The following STK3 variants were observed in gnomAD, a reference collection of about 807,000 sequenced individuals.
STK3 encodes serine/threonine-protein kinase 3.
STK3 carries 41 observed loss-of-function variants against 58.0 expected under a neutral mutation model. That is an observed-to-expected ratio of 0.71 (90% confidence interval 0.55 to 0.92). STK3 has a LOEUF of 0.92. Among genes scored for constraint, STK3 ranks in the 40% least tolerant of loss-of-function variants. The probability of loss-of-function intolerance (pLI) is 0.00; values close to 1 mark genes in which losing one functional copy is unlikely to be tolerated. For synonymous variants in STK3, 170 were observed against 191.0 expected (o/e 0.89, Z 0.91); for missense variants, 479 against 602.7 (o/e 0.79, Z 2.15).
intron 6 of STK3, among the ~76,000 whole-genome samples, chr8:98,694,815 G>C (rs1824728274): frequency 6.6e-6 from 1 of 152,170 alleles, no homozygotes; most frequent in Admixed American, 6.5e-5. Flanking sequence ...AAACATACGT[G>C]TGCATGTGTC....
chr8:98,657,467 G>C (rs1821638717), intron 6 of STK3, among the ~76,000 whole-genome samples: 1 of 152,084 alleles, frequency 6.6e-6, no homozygotes, highest in South Asian at 2.1e-4. Flanking sequence ...ATGAGGGCAG[G>C]AGAGAGACCC....
intron 6 of STK3, 45 bp downstream of exon 6, chr8:98,706,422 C>T (rs1317572195): frequency 6.6e-7 from 1 of 1,526,152 alleles, no homozygotes; most frequent in Non-Finnish European, 8.8e-7. Flanking sequence ...AAAACGGCAA[C>T]ACTTATATAA....
intron 4 of STK3, among the ~76,000 whole-genome samples, chr8:98,727,485 T>C (rs1177701901): frequency 6.6e-6 from 1 of 152,238 alleles, no homozygotes; most frequent in Non-Finnish European, 1.5e-5. Flanking sequence ...CTGGGTTTTC[T>C]GTAACTTATA....
intron 1 of STK3, chr8:98,905,032 AAT>A: frequency 1.1e-6 from 1 of 882,430 alleles, no homozygotes; most frequent in Non-Finnish European, 1.9e-6. Flanking sequence ...GCATCGTTGT[AAT>A]ACCTGGATTC....
chr8:98,765,882 C>G (rs752825070), intron 3 of STK3, among the ~76,000 whole-genome samples: 2 of 152,192 alleles, frequency 1.3e-5, no homozygotes, highest in Non-Finnish European at 2.9e-5. Flanking sequence ...AGAATAAAGC[C>G]TAGGCTACTT....
At chr8:98,505,242 A>C (rs1323568091) in intron 10 of STK3, among the ~76,000 whole-genome samples, 1 of 152,296 alleles carries the variant, frequency 6.6e-6, no homozygotes, top group South Asian at 2.1e-4. Flanking sequence ...CAGTTCCATC[A>C]GGTCATTTAA....
At chr8:98,414,644 C>T (rs949695482) in intron 3 of STK3, among the ~76,000 whole-genome samples, 106 of 152,200 alleles carry the variant, frequency 7.0e-4, no homozygotes, top group African/African-American at 2.5e-3. Context: ...CTCTTCACCC[C>T]GCCTGATTCC....
intron 9 of STK3, among the ~76,000 whole-genome samples, chr8:98,543,784 A>C (rs1416080576): frequency 6.6e-6 from 1 of 152,136 alleles, no homozygotes; most frequent in African/African-American, 2.4e-5. Flanking sequence ...GCCTCCAGGA[A>C]AGTTGAGGGC....
intron 3 of STK3, chr8:98,430,272 G>GT (rs1423680767): frequency 6.0e-6 from 1 of 167,048 alleles, no homozygotes; most frequent in Non-Finnish European, 1.5e-5. Context: ...GTAGAGAAAT[G>GT]TATTTCCGGA....
At chr8:98,537,580 T>C (rs1809877030) in intron 9 of STK3, among the ~76,000 whole-genome samples, 5 of 152,220 alleles carry the variant, frequency 3.3e-5, no homozygotes, top group Admixed American at 3.3e-4. Context: ...GTGGTTGCTA[T>C]GGCAAATACT....
chr8:98,467,868 A>T (rs1820606845), intron 10 of STK3, among the ~76,000 whole-genome samples: 1 of 152,210 alleles, frequency 6.6e-6, no homozygotes, highest in Non-Finnish European at 1.5e-5. Flanking sequence ...ATTCTTACTA[A>T]TGTCACAATT....
intron 3 of STK3, among the ~76,000 whole-genome samples, chr8:98,852,260 G>C (rs995953272): frequency 1.3e-5 from 2 of 151,738 alleles, no homozygotes; most frequent in African/African-American, 4.8e-5. Context: ...TCAGCCTCCC[G>C]AGCAGCTGGG....
chr8:98,877,570 G>A (rs1346303547), intron 3 of STK3, among the ~76,000 whole-genome samples: 1 of 151,788 alleles, frequency 6.6e-6, no homozygotes, highest in African/African-American at 2.4e-5. Flanking sequence ...CACAACTTCC[G>A]CCTCCCGGGT....
chr8:98,385,252 T>C (rs1817779086), intron 1 of STK3, among the ~76,000 whole-genome samples: 1 of 141,598 alleles, frequency 7.1e-6, no homozygotes, highest in Non-Finnish European at 1.5e-5. Flanking sequence ...GGGGTTTGAG[T>C]GGGGGTCGGG....
intron 1 of STK3, among the ~76,000 whole-genome samples, chr8:98,888,199 G>A (rs1838062579): frequency 6.6e-6 from 1 of 152,072 alleles, no homozygotes; most frequent in Non-Finnish European, 1.5e-5. Context: ...CGTGTCTGTA[G>A]TCCCAGCTAC....
At chr8:98,501,569 A>G (rs1400092245) in intron 10 of STK3, among the ~76,000 whole-genome samples, 1 of 152,178 alleles carries the variant, frequency 6.6e-6, no homozygotes, top group Non-Finnish European at 1.5e-5. Context: ...TCCATCTTGA[A>G]TTAACTTTTG....
intron 9 of STK3, among the ~76,000 whole-genome samples, chr8:98,536,767 T>A (rs1377200566): frequency 6.6e-6 from 1 of 152,226 alleles, no homozygotes; most frequent in Non-Finnish European, 1.5e-5. Context: ...TATTGGTACA[T>A]ACAGTCAAAT....
chr8:98,900,280 T>C (rs970483805), intron 1 of STK3, among the ~76,000 whole-genome samples: 1 of 152,200 alleles, frequency 6.6e-6, no homozygotes, highest in African/African-American at 2.4e-5. Context: ...TTTCACCATG[T>C]TGGCCAGCCA....
chr8:98,630,703 AAGG>A (rs1299508423), intron 6 of STK3, among the ~76,000 whole-genome samples: 2 of 149,436 alleles, frequency 1.3e-5, no homozygotes, highest in Admixed American at 6.7e-5. Context: ...GAAGGAGGAG[AAGG>A]AGGAGAAGGA....
Sources: allele counts gnomAD v4.1 joint callset (sites outside exome capture counted in the v4.1 genomes callset), GRCh38; gene constraint gnomAD v4.1.1; transcripts MANE v1.5; gene names NCBI Gene and HGNC (gene_info 2026-07-23, HGNC 2026-07-21).